The following KCNIP1 variants were observed in gnomAD, a reference collection of about 807,000 sequenced individuals.
KCNIP1 encodes potassium voltage-gated channel interacting protein 1.
In KCNIP1, 18 loss-of-function variants were observed where a neutral mutation model predicts 33.0. The ratio of observed to expected loss-of-function variants is 0.55; its 90% confidence interval spans 0.38 to 0.81. KCNIP1 has a LOEUF of 0.81. KCNIP1 is among the 30% of genes least tolerant of loss of function. The pLI, the probability that KCNIP1 is intolerant of heterozygous loss-of-function variation, is 0.00. For synonymous variants in KCNIP1, 93 were observed against 98.3 expected (o/e 0.95, Z 0.32); for missense variants, 238 against 271.6 (o/e 0.88, Z 0.87).
Position 170,400,115 on chromosome 5 carries a change from G to A in KCNIP1, c.88+46151G>A, listed in dbSNP as rs145427393. On this transcript the variant is annotated intron_variant, in intron 1 of 7. Coordinates refer to the KCNIP1 transcript ENST00000377360. ...GGCCTGTCTCGACAGCCTCTCGTGAGTGCCAGAACCCAGCCAGGAGTCCAT... is the reference window on the plus strand; with the variant it reads ...GGCCTGTCTCGACAGCCTCTCGTGAATGCCAGAACCCAGCCAGGAGTCCAT... Among the ~76,000 whole-genome samples the A allele has an allele frequency of 1.5e-3, 236 of 152,286 alleles. 1 individual carries two copies. Among genetic ancestry groups the A allele is most frequent in the African/African-American group, 5.3e-3 (219 of 41,560 alleles).
Position 170,598,904 on chromosome 5 carries a change from C to CGTGTGTGTGTGTGTGT in KCNIP1, c.61+94294_61+94309dup, listed in dbSNP as rs70979192. On this transcript the variant is annotated intron_variant, in intron 1 of 7. Transcript: ENST00000328939. ...CATAGCCCCGCTGTGTGTGTGTGCGCGTGTGTGTGTGTGTGTGTGTGTGTG... is the reference window on the plus strand; with the variant it reads ...CATAGCCCCGCTGTGTGTGTGTGCGCGTGTGTGTGTGTGTGTGTGTGTGTGTGTGTGTGTGTGTGTG... Among the ~76,000 whole-genome samples, 294 of 133,846 alleles carry CGTGTGTGTGTGTGTGT rather than the reference C, an allele frequency of 2.2e-3. 4 individuals are homozygous for CGTGTGTGTGTGTGTGT. The highest frequency in any genetic ancestry group is 5.2e-3 in the African/African-American group (180 of 34,672). The allele number at this position is 133,846 out of a possible 152,430, so 87.8% of individuals were successfully genotyped here.
chr5:170,678,967 C>G (rs1035054043), intron 1 of KCNIP1: 1 of 152,194 alleles, frequency 6.6e-6, no homozygotes, highest in African/African-American at 2.4e-5. Flanking sequence ...TTTAGTTCCG[C>G]ATATCTGGAT....
intron 1 of KCNIP1, among the ~76,000 whole-genome samples, chr5:170,356,471 G>A (rs535289380): frequency 6.6e-6 from 1 of 152,158 alleles, no homozygotes; most frequent in Non-Finnish European, 1.5e-5. Context: ...AATCCTTCTT[G>A]CCATTTGTCT....
intron 1 of KCNIP1, among the ~76,000 whole-genome samples, chr5:170,618,267 G>A (rs559071527): frequency 4.7e-4 from 71 of 152,078 alleles, no homozygotes; most frequent in African/African-American, 1.5e-3. Context: ...TTCCCTGCAA[G>A]GGACTTTGGT....
intron 1 of KCNIP1, among the ~76,000 whole-genome samples, chr5:170,590,783 T>G (rs1329365470): frequency 1.3e-5 from 2 of 152,218 alleles, no homozygotes; most frequent in East Asian, 3.8e-4. Flanking sequence ...ACAGTTTACT[T>G]CTCGTTGCCA....
chr5:170,483,913 G>C (rs1475404117), intron 1 of KCNIP1: 1 of 152,254 alleles, frequency 6.6e-6, no homozygotes, highest in Non-Finnish European at 1.5e-5. Context: ...GATGCACTTA[G>C]ACAGCCTGGG....
intron 1 of KCNIP1, among the ~76,000 whole-genome samples, chr5:170,516,123 T>C (rs573079275): frequency 5.1e-4 from 77 of 152,240 alleles, no homozygotes; most frequent in African/African-American, 1.8e-3. Context: ...TTCAGGAGAA[T>C]GGGACAAGGT....
At chr5:170,604,043 A>T (rs1758801649) in intron 1 of KCNIP1, among the ~76,000 whole-genome samples, 1 of 152,114 alleles carries the variant, frequency 6.6e-6, no homozygotes, top group Admixed American at 6.5e-5. Flanking sequence ...GAGTTGACAA[A>T]ACTTGAAGTA....
At chr5:170,514,487 G>C (rs908345318) in intron 1 of KCNIP1, among the ~76,000 whole-genome samples, 1 of 152,106 alleles carries the variant, frequency 6.6e-6, no homozygotes, top group African/African-American at 2.4e-5. Flanking sequence ...TCTAAGCCCT[G>C]TAGGCCCTGA....
chr5:170,624,004 C>T (rs950522463), intron 1 of KCNIP1, among the ~76,000 whole-genome samples: 2 of 152,206 alleles, frequency 1.3e-5, no homozygotes, highest in African/African-American at 2.4e-5. Flanking sequence ...CCAGTGGCCC[C>T]GTGTCTGGGA....
intron 1 of KCNIP1, among the ~76,000 whole-genome samples, chr5:170,441,167 C>T (rs1346221895): frequency 3.3e-5 from 5 of 152,216 alleles, no homozygotes; most frequent in Admixed American, 3.3e-4. Context: ...CAGCTGCCCT[C>T]CCAGCCCAGC....
intron 1 of KCNIP1, among the ~76,000 whole-genome samples, chr5:170,445,171 T>C (rs776961904): frequency 6.6e-6 from 1 of 152,140 alleles, no homozygotes; most frequent in Non-Finnish European, 1.5e-5. Context: ...TTCCTTCCTG[T>C]GGGGCCCAGG....
chr5:170,699,690 G>C (rs930106131), intron 1 of KCNIP1, among the ~76,000 whole-genome samples: 1 of 152,132 alleles, frequency 6.6e-6, no homozygotes, highest in African/African-American at 2.4e-5. Flanking sequence ...GGAATTGCCA[G>C]GTCCCCTGGT....
At chr5:170,428,950 C>T (rs1362117340) in intron 1 of KCNIP1, among the ~76,000 whole-genome samples, 1 of 151,972 alleles carries the variant, frequency 6.6e-6, no homozygotes, top group African/African-American at 2.4e-5. Context: ...CTTCTGGATA[C>T]CACCCTTTCC....
intron 1 of KCNIP1, among the ~76,000 whole-genome samples, chr5:170,430,390 A>G (rs571043661): frequency 1.4e-3 from 209 of 152,186 alleles, no homozygotes; most frequent in African/African-American, 5.0e-3. Context: ...TGACACTTCT[A>G]TGTTTTGTTC....
At chr5:170,679,411 A>G (rs1331593806) in intron 1 of KCNIP1, among the ~76,000 whole-genome samples, 2 of 152,196 alleles carry the variant, frequency 1.3e-5, no homozygotes, top group South Asian at 2.1e-4. Flanking sequence ...TCTCAATCCA[A>G]TATGTAGACT....
chr5:170,402,520 C>T (rs1394359204), intron 1 of KCNIP1, among the ~76,000 whole-genome samples: 2 of 152,172 alleles, frequency 1.3e-5, no homozygotes, highest in Non-Finnish European at 2.9e-5. Flanking sequence ...GCTGCACCAT[C>T]CTGTGGCCTT....
chr5:170,708,384 C>A (rs752500532), intron 1 of KCNIP1, among the ~76,000 whole-genome samples: 4 of 152,314 alleles, frequency 2.6e-5, no homozygotes, highest in Non-Finnish European at 4.4e-5. Context: ...ACTGCAAATA[C>A]TAGGAATACA....
chr5:170,515,040 A>C (rs1303772221), intron 1 of KCNIP1, among the ~76,000 whole-genome samples: 2 of 152,194 alleles, frequency 1.3e-5, no homozygotes, highest in African/African-American at 4.8e-5. Flanking sequence ...TATTTTATAG[A>C]TGAGGAAACT....
Sources: gnomAD v4.1 joint callset for allele counts (sites outside exome capture counted in the v4.1 genomes callset) on GRCh38, gnomAD v4.1.1 for gene constraint, MANE v1.5 for transcripts, NCBI Gene and HGNC (gene_info 2026-07-23, HGNC 2026-07-21) for gene names.